The following PSMD2 variants were observed in gnomAD, a reference collection of about 807,000 sequenced individuals.
The protein encoded by PSMD2 is proteasome 26S subunit ubiquitin receptor, non-ATPase 2, also known as 26S proteasome non-ATPase regulatory subunit 2.
Under a neutral mutation model 101.5 loss-of-function variants are expected in PSMD2, and 8 were observed. That is an observed-to-expected ratio of 0.08 (90% CI 0.05 to 0.14). The LOEUF (loss-of-function observed/expected upper bound fraction) is 0.14. Among genes scored for constraint, PSMD2 ranks in the 10% least tolerant of loss-of-function variants. PSMD2 has a pLI of 1.00. For synonymous variants in PSMD2, 418 were observed against 433.8 expected (o/e 0.96, Z 0.45); for missense variants, 784 against 1,147.4 (o/e 0.68, Z 4.58).
At position 184,300,294 on chromosome 3, in the gene PSMD2, C is replaced by G. The variant is rs150039268; in HGVS notation, c.207C>G (p.Ser69=). 3.7e-4 allele frequency: 605 copies of G among 1,613,744 alleles called. 3 individuals are homozygous for G. In the African/African-American group the frequency reaches 7.1e-3, roughly 19 times the overall value. Residue 69 remains serine (S), a synonymous_variant, in exon 3 of 21, where the codon TCC becomes TCG. Coordinates refer to ENST00000310118, the MANE Select transcript of PSMD2 (RefSeq NM_002808.5). ...CTCTTGATCAGGAGAAGGATACATC[C>G]CTGTATCGACCAGCGCTGGAGGAAT... ...LVERLGEKDT[S]LYRPALEELR...
Position 184,306,789 on chromosome 3 carries a change from G to A in PSMD2, c.1989G>A (p.Gly663=), listed in dbSNP as rs770002018. ...AVLGIALIAM[G]EEIGAEMALR... ...TGGGGATTGCCCTTATTGCTATGGG[G>A]GAGGAGATTGGTGCAGAGATGGCAT... is the stretch of plus-strand genomic sequence containing the variant. The change falls in exon 16 of 21, where the codon GGG becomes GGA. Residue 663 remains glycine (G), a synonymous_variant. Transcript: ENST00000310118. The A allele has an allele frequency of 3.1e-6, 5 of 1,613,940 alleles. No individual in the cohort carries two copies. The highest frequency in any genetic ancestry group is 4.2e-6 in the Non-Finnish European group (5 of 1,179,990).
Position 184,308,954 on chromosome 3 carries a change from G to A in PSMD2, c.*64G>A. 1 of 1,503,852 alleles carries A rather than the reference G, an allele frequency of 6.6e-7. No homozygotes were observed. Among genetic ancestry groups the A allele is most frequent in the Admixed American group, 1.8e-5 (1 of 54,140 alleles). 93.2% of individuals were successfully genotyped at this position (1,503,852 alleles called of 1,614,324 possible). A position where few individuals can be genotyped will look rare whatever the true frequency, so the allele number is the denominator to read the frequency against. The stretch of plus-strand genomic sequence containing the variant: ...AGCAGGCCATGCATCCTGCTGCCAA[G>A]GGTGGACACGGCTGCAGACTTCTGG... On this transcript the variant is annotated 3_prime_UTR_variant, in exon 21 of 21. Transcript: ENST00000310118. This position sits in a 1 kb window ranked among gnomAD's most constrained non-coding sequence, Gnocchi z 6.0.
At chr3:184,299,829 G>T in intron 1 of PSMD2, 22 bp from the exon 2 acceptor site, 7 of 1,606,650 alleles carry the variant, frequency 4.4e-6, no homozygotes, top group Non-Finnish European at 6.0e-6. Flanking sequence ...CTCTTCATGA[G>T]CTGCTTCTCC....
At position 184,300,310 on chromosome 3, in the gene PSMD2, C is replaced by T. The variant is rs1391636631; in HGVS notation, c.223C>T (p.Leu75=). The T allele has an allele frequency of 6.2e-7, 1 of 1,613,830 alleles. No homozygotes were observed. Among genetic ancestry groups the T allele is most frequent in the East Asian group, 2.2e-5 (1 of 44,894 alleles). Residue 75 remains leucine, a synonymous_variant, in exon 3 of 21, where the codon CTG becomes TTG. Coordinates refer to ENST00000310118, the MANE Select transcript of PSMD2 (RefSeq NM_002808.5). ...GGATACATCCCTGTATCGACCAGCG[C>T]TGGAGGAATTGCGAAGGCAGATTCG... ...EKDTSLYRPA[L]EELRRQIRSS...
Position 184,305,759 on chromosome 3 carries a change from T to G in PSMD2, c.1540-9T>G. ...TTACTCTGTGTAATACTGATTTTCC[T>G]ACCTCTAGGTGGCAGGTGTCACAGC... is the stretch of plus-strand genomic sequence containing the variant. On this transcript the variant is annotated splice_polypyrimidine_tract_variant and intron_variant, in intron 12 of 20. Coordinates refer to ENST00000310118, the MANE Select transcript of PSMD2 (RefSeq NM_002808.5). 6.2e-7 allele frequency: 1 copy of G among 1,612,094 alleles called. No homozygotes were observed. Among genetic ancestry groups the G allele is most frequent in the Non-Finnish European group, 8.5e-7 (1 of 1,179,162 alleles).
intron 5 of PSMD2, 140 bp from the exon 6 acceptor site, chr3:184,302,230 T>C: frequency 8.6e-7 from 1 of 1,164,914 alleles, no homozygotes; most frequent in South Asian, 1.5e-5. Flanking sequence ...AGAGACTTTG[T>C]GTCTTCTTAG....
Position 184,304,158 on chromosome 3 carries a change from C to A in PSMD2, c.1451+84C>A, listed in dbSNP as rs1388834490. On this transcript the variant is annotated intron_variant, in intron 11 of 20. Coordinates refer to ENST00000310118, the MANE Select transcript of PSMD2 (RefSeq NM_002808.5). This position sits in a 1 kb window ranked among gnomAD's most constrained non-coding sequence, Gnocchi z 4.1. The stretch of plus-strand genomic sequence containing the variant: ...AACTGGGCCCTTTTCACCCATATTG[C>A]CAAGGGCTACCACTGTGCCTATTGG... The A allele has an allele frequency of 6.4e-7, 1 of 1,574,572 alleles. No individual in the cohort carries two copies. The highest frequency in any genetic ancestry group is 8.7e-7 in the Non-Finnish European group (1 of 1,145,260).
At chr3:184,306,959 T>C (rs527688381) in intron 16 of PSMD2, 125 bp downstream of exon 16, 4 of 792,972 alleles carry the variant, frequency 5.0e-6, no homozygotes, top group South Asian at 3.7e-5. Context: ...TTTCTTTCTT[T>C]TTTCTTTTCT....
At chr3:184,299,441 G>C in intron 1 of PSMD2, 40 bp downstream of exon 1, 1 of 1,325,720 alleles carries the variant, frequency 7.5e-7, no homozygotes, top group Non-Finnish European at 9.6e-7. Context: ...GAGGCTGCGG[G>C]GCTGAGTCAC....
Position 184,305,912 on chromosome 3 carries a change from C to T in PSMD2, c.1684C>T (p.Leu562=), listed in dbSNP as rs1721816471. 2 of 1,614,162 alleles carry T rather than the reference C, an allele frequency of 1.2e-6. No individual in the cohort carries two copies. Among genetic ancestry groups the T allele is most frequent in the East Asian group, 2.2e-5 (1 of 44,880 alleles). ...DTYARWLPLG[L]GLNHLGKGEA... The stretch of plus-strand genomic sequence containing the variant: ...TTATGCTCGTTGGCTTCCTCTTGGA[C>T]TGGGTCTCAACCACCTGGGTGAGGG... Residue 562 remains leucine (L), a synonymous_variant, in exon 13 of 21, where the codon CTG becomes TTG. Coordinates refer to ENST00000310118, the MANE Select transcript of PSMD2 (RefSeq NM_002808.5).
At position 184,300,762 on chromosome 3, in the gene PSMD2, A is replaced by G. The variant is rs966931777; in HGVS notation, c.357+318A>G. On this transcript the variant is annotated intron_variant, in intron 3 of 20. Coordinates refer to ENST00000310118, the MANE Select transcript of PSMD2 (RefSeq NM_002808.5). ...TATCTCTAAAATATGTTCCACATTC[A>G]GTCACTTCTCTGCCTGCTGGTACAA... is the stretch of plus-strand genomic sequence containing the variant. 5.6e-6 allele frequency: 4 copies of G among 714,984 alleles called. No homozygotes were observed. In the African/African-American group the frequency reaches 5.8e-5, roughly 10 times the overall value. The allele number at this position is 714,984 out of a possible 1,614,324, so 44.3% of individuals were successfully genotyped here. A position where few individuals can be genotyped will look rare whatever the true frequency, so the allele number is the denominator to read the frequency against.
chr3:184,302,646 A>G (rs1036144958), intron 6 of PSMD2, 33 bp from the exon 7 acceptor site: 3 of 1,613,820 alleles, frequency 1.9e-6, no homozygotes, highest in East Asian at 4.5e-5. Flanking sequence ...CTTAGTGGAC[A>G]GTGATGAGCA....
In PSMD2 at chr3:184,302,203, G is replaced by T. The variant is rs1721669069; in HGVS notation, c.704+132G>T. On this transcript the variant is annotated intron_variant, in intron 5 of 20. Coordinates refer to ENST00000310118, the MANE Select transcript of PSMD2 (RefSeq NM_002808.5). ...CGCTGTAGTTAATCTTTTGATGTGTGTGAGTTTCTTGAGGACAGAGACTTT... is the reference window on the plus strand; with the variant it reads ...CGCTGTAGTTAATCTTTTGATGTGTTTGAGTTTCTTGAGGACAGAGACTTT... 3.3e-6 allele frequency: 4 copies of T among 1,218,284 alleles called. No homozygotes were observed. In the South Asian group the frequency reaches 5.7e-5, roughly 17 times the overall value. 75.5% of individuals were successfully genotyped at this position (1,218,284 alleles called of 1,614,324 possible).
At chr3:184,300,047 C>A in intron 2 of PSMD2, 140 bp downstream of exon 2, 1 of 919,814 alleles carries the variant, frequency 1.1e-6, no homozygotes, top group Non-Finnish European at 1.7e-6. Context: ...AGGAGAGTTA[C>A]AAAGGGTATT....
rs747380842 is a variant in PSMD2, at chr3:184,302,419, G to C, written c.754G>C (p.Ala252Pro). Residue 252 changes from alanine (A) to proline (P), a missense_variant, in exon 6 of 21, where the codon GCC becomes CCC. Around this residue, in one of 6 missense-constraint regions of PSMD2, gnomAD observed 208 missense variants for 301.6 expected, o/e 0.69. Coordinates refer to ENST00000310118, the MANE Select transcript of PSMD2 (RefSeq NM_002808.5). Reference protein sequence around the residue: ...EPENSALLRCALGVFRKFSRF... With the variant: ...EPENSALLRCPLGVFRKFSRF... ...TGAGAACTCAGCCCTACTGCGTTGT[G>C]CCCTGGGTGTGTTCCGAAAGTTTAG... 1.2e-6 allele frequency: 2 copies of C among 1,614,196 alleles called. No individual in the cohort carries two copies. The highest frequency in any genetic ancestry group is 1.1e-5 in the South Asian group (1 of 91,082).
At position 184,304,134 on chromosome 3, in the gene PSMD2, ACTGGGCC is replaced by A; in HGVS notation, c.1451+63_1451+69del. 1 of 1,604,246 alleles carries A rather than the reference ACTGGGCC, an allele frequency of 6.2e-7. No homozygotes were observed. Among genetic ancestry groups the A allele is most frequent in the South Asian group, 1.1e-5 (1 of 90,852 alleles). On this transcript the variant is annotated intron_variant, in intron 11 of 20. Coordinates refer to ENST00000310118, the MANE Select transcript of PSMD2 (RefSeq NM_002808.5). The surrounding 1 kb of genome is among the most constrained non-coding windows in gnomAD (Gnocchi z 4.1). ...AGCCTGTACACTCTGGAGAACAGGA[ACTGGGCC>A]CTTTTCACCCATATTGCCAAGGGCT...
At chr3:184,301,040 G>C (rs1245365174) in intron 3 of PSMD2, among the ~76,000 whole-genome samples, 1 of 152,000 alleles carries the variant, frequency 6.6e-6, no homozygotes, top group Admixed American at 6.6e-5. Context: ...AGTTTAAAAG[G>C]AAGACAGTGG....
In PSMD2 at chr3:184,302,469, G is replaced by A. The variant is rs1340648596; in HGVS notation, c.804G>A (p.Leu268=). The A allele has an allele frequency of 1.9e-6, 3 of 1,614,138 alleles. No individual in the cohort carries two copies. Among genetic ancestry groups the A allele is most frequent in the Non-Finnish European group, 2.5e-6 (3 of 1,180,032 alleles). ...KFSRFPEALR[L]ALMLNDMELV... Reference sequence around the variant, plus strand: ...GCCGCTTCCCTGAAGCTCTGAGATTGGCATTGATGCTCAATGACATGGAGT... The same window carrying A: ...GCCGCTTCCCTGAAGCTCTGAGATTAGCATTGATGCTCAATGACATGGAGT... The change falls in exon 6 of 21, where the codon TTG becomes TTA. Residue 268 remains leucine, a synonymous_variant. Coordinates refer to ENST00000310118, the MANE Select transcript of PSMD2 (RefSeq NM_002808.5).
intron 5 of PSMD2, 114 bp downstream of exon 5, chr3:184,302,185 G>T: frequency 7.8e-7 from 1 of 1,276,288 alleles, no homozygotes. Flanking sequence ...TCACGCTGTA[G>T]TTAATCTTTT....
Sources: gnomAD v4.1 joint callset for allele counts (sites outside exome capture counted in the v4.1 genomes callset) on GRCh38, gnomAD v4.1.1 for gene constraint, gnomAD v4.1.1 regional missense constraint, Gnocchi (gnomAD v3.1) non-coding constraint, MANE v1.5 for transcripts, NCBI Gene and HGNC (gene_info 2026-07-23, HGNC 2026-07-21) for gene names.